The following ANKRD46 variants were observed in gnomAD, a reference collection of about 807,000 sequenced individuals.
ANKRD46 encodes ankyrin repeat domain 46.
A neutral mutation model predicts 19.8 loss-of-function variants in ANKRD46; 13 were observed. The ratio of observed to expected loss-of-function variants is 0.66; its 90% CI spans 0.43 to 1.04. ANKRD46 has a LOEUF of 1.04. Among genes scored for constraint, ANKRD46 ranks in the 50% least tolerant of loss-of-function variants. The pLI, the probability that ANKRD46 is intolerant of heterozygous loss-of-function variation, is 0.00. For synonymous variants in ANKRD46, 91 were observed against 106.9 expected (o/e 0.85, Z 0.92); for missense variants, 185 against 274.8 (o/e 0.67, Z 2.31).
chr8:100,541,744 T>C (rs1812179265), intron 1 of ANKRD46, among the ~76,000 whole-genome samples: 1 of 152,212 alleles, frequency 6.6e-6, no homozygotes, highest in South Asian at 2.1e-4. Context: ...AAATACAAAA[T>C]GCAGTCATAC....
At chr8:100,558,159 GC>G (rs1234789394) in intron 1 of ANKRD46, among the ~76,000 whole-genome samples, 2 of 152,160 alleles carry the variant, frequency 1.3e-5, no homozygotes, top group African/African-American at 4.8e-5. Context: ...GGACTATAAA[GC>G]CCAACTTATT....
rs756034669 is a variant in ANKRD46, at chr8:100,529,779, C to A, written c.55G>T (p.Ala19Ser). Residue 19 changes from alanine to serine, a missense_variant, in exon 3 of 5, where the codon GCC (alanine) becomes TCC (serine). Transcript: ENST00000335659. This position sits in a 1 kb window ranked among gnomAD's most constrained non-coding sequence, Gnocchi z 5.8. Reference protein sequence around the residue: ...SSQTNVPLLQACIDGDFNYSK... With the variant: ...SSQTNVPLLQSCIDGDFNYSK... ...TAATTAAAGTCCCCATCAATACAGG[C>A]TTGCAGCAAGGGCACGTTAGTCTGA... The A allele has an allele frequency of 6.2e-7, 1 of 1,614,228 alleles. No homozygotes were observed. Among genetic ancestry groups the A allele is most frequent in the South Asian group, 1.1e-5 (1 of 91,088 alleles).
chr8:100,551,661 C>T, intron 1 of ANKRD46: 2 of 676,190 alleles, frequency 3.0e-6, no homozygotes, highest in Non-Finnish European at 5.4e-6. Context: ...GCCCTGGTGA[C>T]CAGGTGCCCA....
In ANKRD46 at chr8:100,510,859, G is replaced by A. The variant is rs1456221225; in HGVS notation, c.637-220C>T. On this transcript the variant is annotated intron_variant, in intron 5 of 5. Coordinates refer to the ANKRD46 transcript ENST00000520552. The surrounding 1 kb of genome is among the most constrained non-coding windows in gnomAD (Gnocchi z 4.9). ...TAGGGAAGGCTGGGAAGATTGGCAA[G>A]GACTGTGTTCAATGTCCTCTCGAGC... Among the ~76,000 whole-genome samples the A allele has an allele frequency of 6.6e-6, 1 of 152,130 alleles. No homozygotes were observed. Among genetic ancestry groups the A allele is most frequent in the East Asian group, 1.9e-4 (1 of 5,190 alleles).
chr8:100,509,803 C>G (rs1033953439), exon 6 of ANKRD46: 1 of 152,170 alleles, frequency 6.6e-6, no homozygotes, highest in East Asian at 1.9e-4. Flanking sequence ...CAACCATTTA[C>G]GAGAGGGAAG....
At position 100,511,575 on chromosome 8, in the gene ANKRD46, AAAAATCAT is replaced by A. The variant is rs996718315; in HGVS notation, c.637-944_637-937del. On this transcript the variant is annotated intron_variant, in intron 5 of 5. Coordinates refer to the ANKRD46 transcript ENST00000520552. This position sits in a 1 kb window ranked among gnomAD's most constrained non-coding sequence, Gnocchi z 4.1. The stretch of plus-strand genomic sequence containing the variant: ...ATTTTATCCAAATTAAATGACAAAA[AAAAATCAT>A]ATACACATACCTATTTTAAAAGGTT... Among the ~76,000 whole-genome samples, 1 of 152,220 alleles carries A rather than the reference AAAAATCAT, an allele frequency of 6.6e-6. No homozygotes were observed. Among genetic ancestry groups the A allele is most frequent in the Non-Finnish European group, 1.5e-5 (1 of 68,034 alleles).
At position 100,544,838 on chromosome 8, in the gene ANKRD46, T is replaced by C. The variant is rs1477654453; in HGVS notation, c.-130-11527A>G. Reference sequence around the variant, plus strand: ...CACATCTTGGTAACAAGTAAAAGGATTTCTGCCTTGAATGGGGTCAGAGGC... The same window carrying C: ...CACATCTTGGTAACAAGTAAAAGGACTTCTGCCTTGAATGGGGTCAGAGGC... On this transcript the variant is annotated intron_variant, in intron 1 of 4. Coordinates refer to ENST00000335659, the MANE Select transcript of ANKRD46 (RefSeq NM_001270377.2). The surrounding 1 kb of genome is among the most constrained non-coding windows in gnomAD (Gnocchi z 4.4). 6.6e-6 allele frequency among the ~76,000 whole-genome samples: 1 copy of C among 152,174 alleles called. No homozygotes were observed. The highest frequency in any genetic ancestry group is 1.5e-5 in the Non-Finnish European group (1 of 68,042).
intron 1 of ANKRD46, among the ~76,000 whole-genome samples, chr8:100,541,928 G>C (rs1271125955): frequency 6.6e-6 from 1 of 152,160 alleles, no homozygotes; most frequent in Admixed American, 6.5e-5. Flanking sequence ...TGTAGCCTAG[G>C]AACAACAGGC....
chr8:100,527,234 T>C lies in ANKRD46; in HGVS notation c.470+611A>G, dbSNP rs1811858997. 6.6e-6 allele frequency among the ~76,000 whole-genome samples: 1 copy of C among 152,196 alleles called. No homozygotes were observed. Among genetic ancestry groups the C allele is most frequent in the Admixed American group, 6.5e-5 (1 of 15,280 alleles). ...TCACAGGAATCCAAATTTCATTAGC[T>C]CCAACTCATATGAAAGTCACTTTCA... On this transcript the variant is annotated intron_variant, in intron 4 of 4. Coordinates refer to ENST00000335659, the MANE Select transcript of ANKRD46 (RefSeq NM_001270377.2). This position sits in a 1 kb window ranked among gnomAD's most constrained non-coding sequence, Gnocchi z 4.0.
chr8:100,550,963 G>A lies in ANKRD46; in HGVS notation c.-131+8748C>T. 1.7e-6 allele frequency: 1 copy of A among 586,028 alleles called. No homozygotes were observed. Among genetic ancestry groups the A allele is most frequent in the Admixed American group, 2.1e-5 (1 of 48,640 alleles). 36.3% of individuals were successfully genotyped at this position (586,028 alleles called of 1,614,324 possible). Reference sequence around the variant, plus strand: ...CCACCTTTTTGATGTCATCATATTTGGCAGGTTTCTCCAGATGGCAGGTCA... The same window carrying A: ...CCACCTTTTTGATGTCATCATATTTAGCAGGTTTCTCCAGATGGCAGGTCA... On this transcript the variant is annotated intron_variant, in intron 1 of 4. Transcript: ENST00000335659. The surrounding 1 kb of genome is among the most constrained non-coding windows in gnomAD (Gnocchi z 4.4).
chr8:100,520,678 G>T, downstream of ANKRD46: 1 of 503,840 alleles, frequency 2.0e-6, no homozygotes. Context: ...AAAAAAAGCT[G>T]TGTTTTAAAA....
rs1812065681 is a variant in ANKRD46, at chr8:100,536,407, T to C, written c.-130-3096A>G. 6.6e-6 allele frequency among the ~76,000 whole-genome samples: 1 copy of C among 152,170 alleles called. No homozygotes were observed. Among genetic ancestry groups the C allele is most frequent in the Admixed American group, 6.5e-5 (1 of 15,282 alleles). On this transcript the variant is annotated intron_variant, in intron 1 of 4. Transcript: ENST00000335659. The surrounding 1 kb of genome is among the most constrained non-coding windows in gnomAD (Gnocchi z 4.9). ...TTGATTACTCCACCCAGAATGTATA[T>C]GGAGCTGGACTGCCTGGGTTTGAAC... is the stretch of plus-strand genomic sequence containing the variant.
In ANKRD46 at chr8:100,532,819, C is replaced by CATA. The variant is rs1479054337; in HGVS notation, c.-28+387_-28+389dup. On this transcript the variant is annotated intron_variant, in intron 2 of 4. Coordinates refer to ENST00000335659, the MANE Select transcript of ANKRD46 (RefSeq NM_001270377.2). The surrounding 1 kb of genome is among the most constrained non-coding windows in gnomAD (Gnocchi z 4.7). ...TGAATCATAAAAATGGAAAAGCTAT[C>CATA]ATAAACCTTTTTCAAAATGAAATGC... Among the ~76,000 whole-genome samples the CATA allele has an allele frequency of 2.6e-5, 4 of 152,180 alleles. No homozygotes were observed. Among genetic ancestry groups the CATA allele is most frequent in the Non-Finnish European group, 5.9e-5 (4 of 68,026 alleles).
downstream of ANKRD46, among the ~76,000 whole-genome samples, chr8:100,516,493 A>C (rs1373971183): frequency 2.6e-5 from 4 of 152,228 alleles, no homozygotes; most frequent in Non-Finnish European, 5.9e-5. Flanking sequence ...ATAGCTATCT[A>C]ACTATCCACC....
At chr8:100,530,047 C>T (rs1053901350) in intron 2 of ANKRD46, among the ~76,000 whole-genome samples, 187 bp from the exon 3 acceptor site, 2 of 152,210 alleles carry the variant, frequency 1.3e-5, no homozygotes, top group African/African-American at 4.8e-5. Flanking sequence ...ATTTTCTTCA[C>T]ATCTGCTGGA....
chr8:100,528,979 C>T (rs551135179), intron 3 of ANKRD46, among the ~76,000 whole-genome samples: 4 of 152,270 alleles, frequency 2.6e-5, no homozygotes, highest in South Asian at 2.1e-4. Flanking sequence ...CCTGGACTCC[C>T]GGGAGATTAT....
downstream of ANKRD46, among the ~76,000 whole-genome samples, chr8:100,518,417 C>T (rs914688831): frequency 2.0e-5 from 3 of 152,174 alleles, no homozygotes; most frequent in Non-Finnish European, 2.9e-5. Context: ...ATGTTGATGA[C>T]TTAATTATAA....
At chr8:100,520,725 T>C (rs1367756982), downstream of ANKRD46, 10 of 819,344 alleles carry the variant, frequency 1.2e-5, no homozygotes, top group African/African-American at 2.7e-4. Context: ...ATCCCCAAAT[T>C]AAAACTATAA....
At chr8:100,542,166 T>C (rs1325859997) in intron 1 of ANKRD46, among the ~76,000 whole-genome samples, 2 of 152,168 alleles carry the variant, frequency 1.3e-5, no homozygotes, top group South Asian at 2.1e-4. Context: ...GTCTGCTGTG[T>C]GTGAAGCTAT....
Sources: gnomAD v4.1 joint callset for allele counts (sites outside exome capture counted in the v4.1 genomes callset) on GRCh38, gnomAD v4.1.1 for gene constraint, Gnocchi (gnomAD v3.1) non-coding constraint, MANE v1.5 for transcripts, NCBI Gene and HGNC (gene_info 2026-07-23, HGNC 2026-07-21) for gene names.